Variants in SHROOM3 observed in about 807,000 individuals in gnomAD.
SHROOM3 encodes protein Shroom3.
SHROOM3 carries 47 observed loss-of-function variants against 138.6 expected under a neutral mutation model. That is an observed-to-expected ratio of 0.34 (90% confidence interval 0.27 to 0.43). The LOEUF is 0.43. Ranked by LOEUF, SHROOM3 falls within the 20% of genes least tolerant of loss-of-function variation. SHROOM3 has a pLI of 1.00. For missense variants in SHROOM3, 2,491 were observed against 2,596.5 expected, an observed-to-expected ratio of 0.96 and a Z score of 0.88; for synonymous variants, 1,062 against 1,063.3, an observed-to-expected ratio of 1.00 and a Z score of 0.02.
chr4:76,446,755 G>T (rs1247467651), intron 1 of SHROOM3, among the ~76,000 whole-genome samples: 3 of 152,208 alleles, frequency 2.0e-5, no homozygotes, highest in African/African-American at 7.2e-5. Flanking sequence ...ATGCTGATGA[G>T]CCCCGGTTAT....
In SHROOM3 at chr4:76,740,293, A is replaced by G. The variant is rs139081879; in HGVS notation, c.2120A>G (p.Lys707Arg). The G allele has an allele frequency of 3.8e-4, 613 of 1,613,144 alleles. 2 individuals carry two copies. The East Asian group carries it at 9.0e-3, about 24-fold the overall frequency. Residue 707 changes from lysine to arginine, a missense_variant, in exon 5 of 11, where the codon AAA becomes AGA. Physicochemically the swap from Lys to Arg is conservative, Grantham distance 26. Coordinates refer to ENST00000296043, the MANE Select transcript of SHROOM3 (RefSeq NM_020859.4). The surrounding 1 kb of genome is among the most constrained non-coding windows in gnomAD (Gnocchi z 4.0). ...ACCAAGGCAGAAGACCCTGGGAGGA[A>G]AGCCGCTCCTGACCTCGGGAGCCAT... ...VNTKAEDPGR[K>R]AAPDLGSHLD...
intron 2 of SHROOM3, among the ~76,000 whole-genome samples, chr4:76,678,105 G>A (rs1323324000): frequency 6.6e-6 from 1 of 152,186 alleles, no homozygotes; most frequent in African/African-American, 2.4e-5. Flanking sequence ...AACAATTAAA[G>A]TGAGACTGCC....
At chr4:76,771,794 T>A (rs557642943) in intron 10 of SHROOM3, among the ~76,000 whole-genome samples, 16 of 152,312 alleles carry the variant, frequency 1.1e-4, no homozygotes, top group Admixed American at 7.2e-4. Flanking sequence ...AGACTCCAAG[T>A]TGTATCACCG....
intron 2 of SHROOM3, among the ~76,000 whole-genome samples, chr4:76,577,019 G>A (rs1733953422): frequency 6.6e-6 from 1 of 152,108 alleles, no homozygotes; most frequent in Admixed American, 6.5e-5. Context: ...CTGGAGGTTA[G>A]GGTTCAGAAC....
intron 2 of SHROOM3, among the ~76,000 whole-genome samples, chr4:76,595,670 C>G (rs952664293): frequency 2.0e-5 from 3 of 152,254 alleles, no homozygotes; most frequent in East Asian, 3.9e-4. Flanking sequence ...GGCAGGGAGT[C>G]AGATTACCAA....
At chr4:76,667,829 G>A (rs1300286773) in intron 2 of SHROOM3, among the ~76,000 whole-genome samples, 2 of 151,468 alleles carry the variant, frequency 1.3e-5, no homozygotes, top group Admixed American at 1.3e-4. Flanking sequence ...TTAGCTGGGC[G>A]TGGTGGCGCC....
intron 2 of SHROOM3, among the ~76,000 whole-genome samples, chr4:76,600,074 C>A (rs2110054386): frequency 6.6e-6 from 1 of 152,194 alleles, no homozygotes; most frequent in East Asian, 1.9e-4. Flanking sequence ...ATGGCTTGAG[C>A]CCAGGAGGTC....
At chr4:76,568,647 C>A (rs1265399921) in intron 2 of SHROOM3, among the ~76,000 whole-genome samples, 1 of 152,154 alleles carries the variant, frequency 6.6e-6, no homozygotes, top group Non-Finnish European at 1.5e-5. Flanking sequence ...GGAGTGAGGT[C>A]CCCAGGAGCC....
intron 2 of SHROOM3, among the ~76,000 whole-genome samples, chr4:76,646,912 C>G (rs2110086048): frequency 6.6e-6 from 1 of 152,300 alleles, no homozygotes; most frequent in Non-Finnish European, 1.5e-5. Context: ...AGCAATCCCA[C>G]TACTGGGTAT....
Position 76,754,950 on chromosome 4 carries a change from ATC to A in SHROOM3, c.4469_4470del (p.Ser1490Ter), listed in dbSNP as rs1560616016. Reference protein sequence around the residue: ...STPGRISLRISESVLRDSPPP... With the variant: ...STPGRISLRIXESVLRDSPPP... ...CTCCAGGGAGGATCTCCCTCCGAAT[ATC>A]TGAGTCTGTCCTGCGGGACTCCCCG... On this transcript the variant is annotated frameshift_variant, in exon 7 of 11. Coordinates refer to ENST00000296043, the MANE Select transcript of SHROOM3 (RefSeq NM_020859.4). LOFTEE classifies it high-confidence loss of function. 1 of 1,614,168 alleles carries A rather than the reference ATC, an allele frequency of 6.2e-7. No individual in the cohort carries two copies. The highest frequency in any genetic ancestry group is 1.1e-5 in the South Asian group (1 of 91,076).
intron 1 of SHROOM3, among the ~76,000 whole-genome samples, chr4:76,551,965 C>T (rs1312633047): frequency 6.7e-6 from 1 of 149,940 alleles, no homozygotes; most frequent in Non-Finnish European, 1.5e-5. Flanking sequence ...GGGTTCACGC[C>T]ATTCTCCTGC....
chr4:76,561,584 C>T (rs1184504839), intron 2 of SHROOM3, among the ~76,000 whole-genome samples: 1 of 149,842 alleles, frequency 6.7e-6, no homozygotes, highest in African/African-American at 2.5e-5. Context: ...TCTAGTTCTT[C>T]GAGGATGTAA....
At chr4:76,637,304 G>T (rs1735524874) in intron 2 of SHROOM3, among the ~76,000 whole-genome samples, 1 of 152,216 alleles carries the variant, frequency 6.6e-6, no homozygotes, top group Admixed American at 6.5e-5. Context: ...AACTCTTGCA[G>T]ATGCAATAGG....
intron 1 of SHROOM3, among the ~76,000 whole-genome samples, chr4:76,444,517 G>T (rs1357518799): frequency 8.2e-6 from 1 of 121,502 alleles, no homozygotes; most frequent in Non-Finnish European, 1.6e-5. Context: ...TTTTTGAGAC[G>T]GAGTCTTGCT....
chr4:76,633,643 C>A (rs1472515455), intron 2 of SHROOM3, among the ~76,000 whole-genome samples: 24 of 118,924 alleles, frequency 2.0e-4, no homozygotes, highest in African/African-American at 7.7e-4. Context: ...GGTGGCAGAG[C>A]GAGACTCCGT....
chr4:76,706,177 A>C (rs1255659999), intron 2 of SHROOM3, among the ~76,000 whole-genome samples: 1 of 152,052 alleles, frequency 6.6e-6, no homozygotes, highest in African/African-American at 2.4e-5. Flanking sequence ...GCTGGAGTGC[A>C]GAGCTCAGCT....
At chr4:76,463,439 A>G (rs2136854) in intron 1 of SHROOM3, among the ~76,000 whole-genome samples, 108,823 of 152,138 alleles carry the variant, frequency 0.72, 39,252 homozygotes, top group East Asian at 0.79. Context: ...TAAAATGGAA[A>G]CAGAGCATAA....
intron 9 of SHROOM3, among the ~76,000 whole-genome samples, chr4:76,760,350 T>C (rs1721950842): frequency 6.6e-6 from 1 of 152,200 alleles, no homozygotes; most frequent in Non-Finnish European, 1.5e-5. Context: ...TAAACTGGGC[T>C]GTGTCTGCAG....
At chr4:76,511,580 G>C (rs372739178) in intron 1 of SHROOM3, among the ~76,000 whole-genome samples, 1 of 152,172 alleles carries the variant, frequency 6.6e-6, no homozygotes, top group South Asian at 2.1e-4. Context: ...ATGAGCAGGG[G>C]TCTTGCTGGC....
Sources: allele counts gnomAD v4.1 joint callset (sites outside exome capture counted in the v4.1 genomes callset), GRCh38; gene constraint gnomAD v4.1.1; non-coding constraint Gnocchi (gnomAD v3.1); transcripts MANE v1.5; gene names NCBI Gene and HGNC (gene_info 2026-07-23, HGNC 2026-07-21).